LRP8: variants seen among roughly 807,000 people sequenced by gnomAD.
LRP8 encodes the protein LDL receptor related protein 8, also known as low-density lipoprotein receptor-related protein 8.
In LRP8, 46 loss-of-function variants were observed where a neutral mutation model predicts 111.6. The observed-to-expected ratio is 0.41, with a 90% confidence interval of 0.33 to 0.53. The LOEUF (loss-of-function observed/expected upper bound fraction) is 0.53, where lower values mean the gene tolerates loss of function less well. Ranked by LOEUF, LRP8 falls within the 20% of genes least tolerant of loss-of-function variation. The pLI is 0.20. For synonymous variants in LRP8, 464 were observed against 511.2 expected, an observed-to-expected ratio of 0.91 and a Z score of 1.24; for missense variants, 959 against 1,297.4, an observed-to-expected ratio of 0.74 and a Z score of 4.01.
At chr1:53,292,845 C>T (rs1649037874) in intron 2 of LRP8, among the ~76,000 whole-genome samples, 1 of 152,172 alleles carries the variant, frequency 6.6e-6, no homozygotes, top group Admixed American at 6.5e-5. Context: ...GATGCCTGCT[C>T]ATCTCCACCA....
intron 2 of LRP8, among the ~76,000 whole-genome samples, chr1:53,324,371 T>A (rs1230871056): frequency 6.6e-6 from 1 of 152,122 alleles, no homozygotes; most frequent in Admixed American, 6.5e-5. Context: ...TTCTTCAGTT[T>A]CCCTTTATGG....
intron 8 of LRP8, among the ~76,000 whole-genome samples, chr1:53,269,929 T>G (rs1378256801): frequency 6.6e-6 from 1 of 152,234 alleles, no homozygotes; most frequent in Non-Finnish European, 1.5e-5. Context: ...GAATTAATTC[T>G]GCTGGCTGAA....
chr1:53,289,827 C>T, intron 2 of LRP8, 138 bp from the exon 3 acceptor site: 8 of 1,094,272 alleles, frequency 7.3e-6, no homozygotes, highest in Non-Finnish European at 1.0e-5. Context: ...AGACAAGCTT[C>T]TTCATTCCTT....
Position 53,327,770 on chromosome 1 carries a change from A to C in LRP8, c.124+19T>G, listed in dbSNP as rs1226981212. 4.7e-6 allele frequency: 7 copies of C among 1,503,266 alleles called. 1 individual carries two copies. The highest frequency in any genetic ancestry group is 2.2e-4 in the Middle Eastern group (1 of 4,566). 93.1% of individuals were successfully genotyped at this position (1,503,266 alleles called of 1,614,324 possible). ...GGCTAGGGCGGAGCAGAGCCGAGTC[A>C]GAGACCGGCTGCACGCACCTTGGCC... is the stretch of plus-strand genomic sequence containing the variant. On this transcript the variant is annotated intron_variant, in intron 1 of 18. Coordinates refer to ENST00000306052, the MANE Select transcript of LRP8 (RefSeq NM_004631.5).
At chr1:53,310,003 T>C (rs866636870) in intron 2 of LRP8, among the ~76,000 whole-genome samples, 1 of 152,048 alleles carries the variant, frequency 6.6e-6, no homozygotes, top group South Asian at 2.1e-4. Flanking sequence ...ACCCTGCACG[T>C]CTCGGATCAC....
In LRP8 at chr1:53,276,862, G is replaced by T. The variant is rs983924171; in HGVS notation, c.713C>A (p.Ser238Ter). The change falls in exon 5 of 19, where the codon TCG becomes TAG. Residue 238 changes from serine (S) to a stop codon, truncating the protein, a stop_gained. Coordinates refer to ENST00000306052, the MANE Select transcript of LRP8 (RefSeq NM_004631.5). LOFTEE classifies it high-confidence loss of function. Reference protein sequence around the residue: ...CDRQFDCEDRSDEAAELCGRP... With the variant: ...CDRQFDCEDR ...GCCGCAGAGCTCGGCTGCCTCGTCC[G>T]AGCGGTCCTCGCAGTCAAACTGGCG... 5 of 1,374,372 alleles carry T rather than the reference G, an allele frequency of 3.6e-6. No individual in the cohort carries two copies. The highest frequency in any genetic ancestry group is 2.9e-5 in the South Asian group (2 of 69,738). The allele number at this position is 1,374,372 out of a possible 1,614,324, so 85.1% of individuals were successfully genotyped here. A position where few individuals can be genotyped will look rare whatever the true frequency, so the allele number is the denominator to read the frequency against.
chr1:53,253,434 CTGTG>C (rs1370307681), intron 16 of LRP8, among the ~76,000 whole-genome samples: 1 of 152,112 alleles, frequency 6.6e-6, no homozygotes, highest in Non-Finnish European at 1.5e-5. Flanking sequence ...TAAGAAAAGA[CTGTG>C]AGTGGGCGAT....
intron 2 of LRP8, chr1:53,292,188 C>G (rs1489514252): frequency 5.3e-5 from 8 of 152,244 alleles, no homozygotes; most frequent in Non-Finnish European, 1.0e-4. Context: ...GTCTCTGAAT[C>G]TGTTCCATGT....
chr1:53,253,134 C>T (rs1645951895), intron 16 of LRP8, among the ~76,000 whole-genome samples: 1 of 151,822 alleles, frequency 6.6e-6, no homozygotes, highest in South Asian at 2.1e-4. Context: ...GATTAATATC[C>T]TAATACTAAA....
At position 53,246,714 on chromosome 1, in the gene LRP8, C is replaced by T; in HGVS notation, c.*304G>A. 3 of 371,384 alleles carry T rather than the reference C, an allele frequency of 8.1e-6. No homozygotes were observed. The highest frequency in any genetic ancestry group is 7.0e-4 in the Middle Eastern group (1 of 1,436). The allele number at this position is 371,384 out of a possible 1,614,324, so 23.0% of individuals were successfully genotyped here. On this transcript the variant is annotated 3_prime_UTR_variant, in exon 19 of 19. Transcript: ENST00000306052. ...GAGTAAGGTACTGTGCCATTGGCCC[C>T]CATTTGGTTATGTGCATCATGTTAG...
chr1:53,256,799 T>C (rs1646104960), intron 15 of LRP8, among the ~76,000 whole-genome samples: 2 of 152,228 alleles, frequency 1.3e-5, no homozygotes, highest in African/African-American at 2.4e-5. Flanking sequence ...GGGGACCTGC[T>C]GTGAACTGAG....
In LRP8 at chr1:53,246,744, C is replaced by T. The variant is rs888271327; in HGVS notation, c.*274G>A. The T allele has an allele frequency of 1.8e-5, 8 of 439,540 alleles. No homozygotes were observed. In the Admixed American group the frequency reaches 3.4e-4, roughly 18 times the overall value. 27.2% of individuals were successfully genotyped at this position (439,540 alleles called of 1,614,324 possible). On this transcript the variant is annotated 3_prime_UTR_variant, in exon 19 of 19. Transcript: ENST00000306052. ...TGGTTATGTGCATCATGTTAGTCAG[C>T]AGTAGCCATTCCACGAATTCCTCAT...
chr1:53,301,492 C>G (rs1022770037), intron 2 of LRP8, among the ~76,000 whole-genome samples: 2 of 152,128 alleles, frequency 1.3e-5, no homozygotes, highest in African/African-American at 4.8e-5. Context: ...GAGGCCAAGG[C>G]AGGCAGATTA....
At chr1:53,259,582 ATT>A (rs560213424) in intron 13 of LRP8, among the ~76,000 whole-genome samples, 2 of 147,110 alleles carry the variant, frequency 1.4e-5, no homozygotes, top group African/African-American at 2.5e-5. Flanking sequence ...TACTCTAGGA[ATT>A]TTTTTTTTTT....
chr1:53,324,786 T>G (rs1654936687), intron 2 of LRP8, among the ~76,000 whole-genome samples: 2 of 152,116 alleles, frequency 1.3e-5, no homozygotes, highest in South Asian at 4.2e-4. Flanking sequence ...GCCTAACATT[T>G]AAAGCCCGTC....
intron 2 of LRP8, among the ~76,000 whole-genome samples, chr1:53,310,788 G>A (rs1453038677): frequency 6.6e-6 from 1 of 152,138 alleles, no homozygotes; most frequent in Admixed American, 6.5e-5. Context: ...GCAAGCAGGG[G>A]GATCCATTCA....
At position 53,275,856 on chromosome 1, in the gene LRP8, G is replaced by T; in HGVS notation, c.884-103C>A. 1 of 1,436,776 alleles carries T rather than the reference G, an allele frequency of 7.0e-7. No individual in the cohort carries two copies. 89.0% of individuals were successfully genotyped at this position (1,436,776 alleles called of 1,614,324 possible). ...GCCATAGCCACCCCCAGCAAAAACA[G>T]AACCAGTGGCTGAACTCAGGAGTCC... On this transcript the variant is annotated intron_variant, in intron 5 of 18. Coordinates refer to ENST00000306052, the MANE Select transcript of LRP8 (RefSeq NM_004631.5). The surrounding 1 kb of genome is among the most constrained non-coding windows in gnomAD (Gnocchi z 4.4).
Position 53,243,574 on chromosome 1 carries a change from A to C in LRP8, c.*3444T>G, listed in dbSNP as rs575293202. ...GCTTCATTGAATCAGAAATTAATCT[A>C]TTTTATAAAGTGCTTACATTGAATC... On this transcript the variant is annotated 3_prime_UTR_variant, in exon 19 of 19. Transcript: ENST00000306052. 1 of 152,186 alleles carries C rather than the reference A, an allele frequency of 6.6e-6. No individual in the cohort carries two copies. Among genetic ancestry groups the C allele is most frequent in the African/African-American group, 2.4e-5 (1 of 41,438 alleles). 9.4% of individuals were successfully genotyped at this position (152,186 alleles called of 1,614,324 possible).
chr1:53,264,264 G>A lies in LRP8; in HGVS notation c.1560C>T (p.Thr520=). 1 of 1,614,172 alleles carries A rather than the reference G, an allele frequency of 6.2e-7. No homozygotes were observed. The highest frequency in any genetic ancestry group is 8.5e-7 in the Non-Finnish European group (1 of 1,180,010). The stretch of plus-strand genomic sequence containing the variant: ...CACCATCAACTGTGGCCACTGAGAT[G>A]GTCTTATTGCCCGAGTCAGTCCAGT... The part of the protein sequence containing the change: ...HIYWTDSGNK[T]ISVATVDGGR... Residue 520 remains threonine, a synonymous_variant, in exon 10 of 19, where the codon ACC becomes ACT. Coordinates refer to ENST00000306052, the MANE Select transcript of LRP8 (RefSeq NM_004631.5).
Sources: allele counts gnomAD v4.1 joint callset (sites outside exome capture counted in the v4.1 genomes callset), GRCh38; gene constraint gnomAD v4.1.1; non-coding constraint Gnocchi (gnomAD v3.1); transcripts MANE v1.5; gene names NCBI Gene and HGNC (gene_info 2026-07-23, HGNC 2026-07-21).